Variants in PTPRT observed in about 807,000 individuals in gnomAD.
PTPRT encodes receptor-type tyrosine-protein phosphatase T.
PTPRT carries 56 observed loss-of-function variants against 176.8 expected under a neutral mutation model. The ratio of observed to expected loss-of-function variants is 0.32; its 90% CI spans 0.26 to 0.40. The LOEUF is 0.40. PTPRT is among the 10% of genes least tolerant of loss of function. The pLI is 1.00. For missense variants in PTPRT, 1,540 were observed against 1,908.2 expected, an observed-to-expected ratio of 0.81 and a Z score of 3.60; for synonymous variants, 783 against 739.0, an observed-to-expected ratio of 1.06 and a Z score of -0.96.
chr20:43,059,542 A>T (rs7266576), intron 1 of PTPRT, among the ~76,000 whole-genome samples: 14,225 of 152,184 alleles, frequency 0.093, 753 homozygotes, highest in Middle Eastern at 0.14. Context: ...CTCATCTCCA[A>T]CTGAGACCTC....
At chr20:42,649,526 C>T (rs1435629417) in intron 7 of PTPRT, among the ~76,000 whole-genome samples, 1 of 152,144 alleles carries the variant, frequency 6.6e-6, no homozygotes, top group Non-Finnish European at 1.5e-5. Flanking sequence ...CATGTTCTCA[C>T]CACATCCTAT....
intron 1 of PTPRT, among the ~76,000 whole-genome samples, chr20:43,047,322 T>C (rs1350195761): frequency 2.6e-5 from 4 of 152,106 alleles, no homozygotes; most frequent in Non-Finnish European, 4.4e-5. Context: ...AAAAGAAATA[T>C]AGGCCATTTA....
intron 1 of PTPRT, among the ~76,000 whole-genome samples, chr20:42,927,084 T>A (rs755130084): frequency 6.6e-6 from 1 of 152,226 alleles, no homozygotes; most frequent in African/African-American, 2.4e-5. Flanking sequence ...TGACTTTCGA[T>A]GTCCACCAAG....
At chr20:42,609,339 G>A (rs767784592) in intron 7 of PTPRT, among the ~76,000 whole-genome samples, 4 of 152,132 alleles carry the variant, frequency 2.6e-5, no homozygotes, top group Non-Finnish European at 5.9e-5. Context: ...CTCCCAAAGT[G>A]CTGGGATTGC....
intron 7 of PTPRT, among the ~76,000 whole-genome samples, chr20:42,509,504 A>T (rs1003153993): frequency 2.4e-5 from 3 of 126,354 alleles, no homozygotes; most frequent in African/African-American, 7.9e-5. Context: ...TATAAATTAT[A>T]TAATTTATAT....
intron 9 of PTPRT, among the ~76,000 whole-genome samples, chr20:42,383,956 A>G (rs1292522399): frequency 2.0e-5 from 3 of 152,220 alleles, no homozygotes; most frequent in Admixed American, 6.5e-5. Flanking sequence ...ACGACGGATT[A>G]TATGTATTCT....
chr20:42,295,282 T>A (rs187480744), intron 12 of PTPRT, among the ~76,000 whole-genome samples: 1 of 152,162 alleles, frequency 6.6e-6, no homozygotes. Flanking sequence ...AAAAACAGCA[T>A]GCAAAGCAAG....
chr20:42,127,392 G>GTCTC (rs890670747), intron 19 of PTPRT, among the ~76,000 whole-genome samples: 2 of 151,880 alleles, frequency 1.3e-5, no homozygotes, highest in African/African-American at 4.8e-5. Flanking sequence ...CTGTCTGTCT[G>GTCTC]TCTCTCTCTC....
intron 2 of PTPRT, among the ~76,000 whole-genome samples, chr20:42,873,548 A>G (rs1261351951): frequency 1.3e-5 from 2 of 152,246 alleles, no homozygotes; most frequent in African/African-American, 2.4e-5. Flanking sequence ...AAATTTTCTA[A>G]TAGGCACATT....
At chr20:42,180,337 C>A (rs1303056381) in intron 16 of PTPRT, among the ~76,000 whole-genome samples, 1 of 152,194 alleles carries the variant, frequency 6.6e-6, no homozygotes, top group East Asian at 1.9e-4. Context: ...TCTTTCCTGA[C>A]ATGGCTCACA....
At chr20:42,329,496 C>T (rs868001456) in intron 11 of PTPRT, among the ~76,000 whole-genome samples, 2,996 of 142,546 alleles carry the variant, frequency 0.021, 45 homozygotes, top group African/African-American at 0.041. Context: ...CACACACACA[C>T]ACACACATAC....
At chr20:42,265,249 TGGGC>T (rs2056819936) in intron 13 of PTPRT, among the ~76,000 whole-genome samples, 1 of 152,162 alleles carries the variant, frequency 6.6e-6, no homozygotes, top group Non-Finnish European at 1.5e-5. Context: ...CTAATGTCTA[TGGGC>T]ACAGAGCATG....
intron 1 of PTPRT, among the ~76,000 whole-genome samples, chr20:42,989,126 T>C (rs116734116): frequency 0.013 from 2,004 of 152,360 alleles, 33 homozygotes; most frequent in African/African-American, 0.042. Flanking sequence ...TTTTATGGAA[T>C]AGAAAACTTA....
At chr20:43,094,108 T>G (rs1023544782) in intron 1 of PTPRT, among the ~76,000 whole-genome samples, 3 of 132,828 alleles carry the variant, frequency 2.3e-5, no homozygotes, top group African/African-American at 5.5e-5. Flanking sequence ...TTTTTTTTTT[T>G]GACGGAGTCT....
rs34411293 is a variant in PTPRT, at chr20:43,025,104, C to A, written c.89-139172G>T. Among the ~76,000 whole-genome samples, 694 of 152,342 alleles carry A rather than the reference C, an allele frequency of 4.6e-3. 1 individual carries two copies. The highest frequency in any genetic ancestry group is 7.8e-3 in the Non-Finnish European group (530 of 68,038). ...GAAGCTTTGTTGGTGTCTGTATCCA[C>A]TTACAGGATAACCTGTTCTCCCAAT... is the stretch of plus-strand genomic sequence containing the variant. On this transcript the variant is annotated intron_variant, in intron 1 of 30. Transcript: ENST00000373187.
At chr20:42,628,598 T>C (rs1384541660) in intron 7 of PTPRT, among the ~76,000 whole-genome samples, 1 of 152,190 alleles carries the variant, frequency 6.6e-6, no homozygotes, top group Non-Finnish European at 1.5e-5. Flanking sequence ...CCATCTACTT[T>C]GTGTCAGGTA....
chr20:42,737,704 C>T (rs370841348), intron 6 of PTPRT, among the ~76,000 whole-genome samples: 1 of 151,726 alleles, frequency 6.6e-6, no homozygotes, highest in Non-Finnish European at 1.5e-5. Flanking sequence ...GACACTTGGA[C>T]CTTGGACTTC....
At chr20:43,133,237 T>TA (rs1568804273) in intron 1 of PTPRT, among the ~76,000 whole-genome samples, 1 of 151,982 alleles carries the variant, frequency 6.6e-6, no homozygotes, top group Non-Finnish European at 1.5e-5. Context: ...TATTCCTCAG[T>TA]AAAAAAGAAA....
intron 7 of PTPRT, among the ~76,000 whole-genome samples, chr20:42,505,345 A>ATTTT (rs1568935149): frequency 6.6e-6 from 1 of 152,122 alleles, no homozygotes; most frequent in African/African-American, 2.4e-5. Flanking sequence ...TCTGTCTCCC[A>ATTTT]GGCTGGAGTG....
Sources: gnomAD v4.1 joint callset for allele counts (sites outside exome capture counted in the v4.1 genomes callset) on GRCh38, gnomAD v4.1.1 for gene constraint, MANE v1.5 for transcripts, NCBI Gene and HGNC (gene_info 2026-07-23, HGNC 2026-07-21) for gene names.